Variants in ARAP2 observed in about 807,000 individuals in gnomAD.
ARAP2 encodes the protein ArfGAP with RhoGAP domain, ankyrin repeat and PH domain 2.
In ARAP2, 148 loss-of-function variants were observed where a neutral mutation model predicts 194.5. The observed-to-expected ratio is 0.76, with a 90% CI of 0.67 to 0.87. ARAP2 has a LOEUF of 0.87. Among genes scored for constraint, ARAP2 ranks in the 40% least tolerant of loss-of-function variants. The pLI, the probability that ARAP2 is intolerant of heterozygous loss-of-function variation, is 0.00. For missense variants in ARAP2, 2,128 were observed against 1,989.7 expected, an observed-to-expected ratio of 1.07 and a Z score of -1.32; for synonymous variants, 695 against 683.5, an observed-to-expected ratio of 1.02 and a Z score of -0.26.
intron 27 of ARAP2, among the ~76,000 whole-genome samples, chr4:36,098,601 CTAAAA>C (rs1715979921): frequency 6.6e-6 from 1 of 152,150 alleles, no homozygotes; most frequent in African/African-American, 2.4e-5. Context: ...AATTATTAAA[CTAAAA>C]TATAATATTT....
At chr4:36,024,623 C>T (rs544515719) in intron 5 of ARAP2, among the ~76,000 whole-genome samples, 3 of 152,190 alleles carry the variant, frequency 2.0e-5, no homozygotes, top group African/African-American at 7.2e-5. Flanking sequence ...ACTGTACTAC[C>T]ACTCAACTCT....
intron 19 of ARAP2, among the ~76,000 whole-genome samples, chr4:36,134,707 G>A (rs6819234): frequency 0.84 from 127,787 of 151,256 alleles, 53,976 homozygotes; most frequent in Middle Eastern, 0.88. Context: ...TTTACTTAAG[G>A]TACTCAGGAA....
chr4:36,227,044 C>T (rs987261146), intron 2 of ARAP2, among the ~76,000 whole-genome samples: 12 of 152,140 alleles, frequency 7.9e-5, no homozygotes, highest in African/African-American at 2.9e-4. Flanking sequence ...ACAGTCCCAA[C>T]AAATAATCCA....
intron 27 of ARAP2, among the ~76,000 whole-genome samples, chr4:36,095,312 C>G (rs916903578): frequency 6.6e-6 from 1 of 152,238 alleles, no homozygotes; most frequent in East Asian, 1.9e-4. Flanking sequence ...TTATTTTTAG[C>G]ATGTTCTAAA....
intron 1 of ARAP2, among the ~76,000 whole-genome samples, chr4:36,236,841 T>C (rs1372421979): frequency 1.3e-5 from 2 of 152,162 alleles, no homozygotes; most frequent in Admixed American, 6.5e-5. Flanking sequence ...CATTCTGCAA[T>C]AGTACCCAGA....
At position 36,011,846 on chromosome 4, in the gene ARAP2, C is replaced by A. The variant is rs560381869; in HGVS notation, n.1325+717G>T. ...AAACACAAGAGAGCTATATTGCTGT[C>A]TTCACAGGGAAAAAGATATGGATAT... On this transcript the variant is annotated intron_variant and non_coding_transcript_variant, in intron 9 of 12. Transcript: ENST00000503225. Among the ~76,000 whole-genome samples, 7 of 152,194 alleles carry A rather than the reference C, an allele frequency of 4.6e-5. No homozygotes were observed. The South Asian group carries it at 1.4e-3, about 32-fold the overall frequency.
intron 1 of ARAP2, among the ~76,000 whole-genome samples, chr4:36,238,478 A>G (rs1321348667): frequency 6.6e-6 from 1 of 152,224 alleles, no homozygotes; most frequent in East Asian, 1.9e-4. Context: ...GTAAAGCCTC[A>G]TAGTAGATAT....
intron 9 of ARAP2, among the ~76,000 whole-genome samples, chr4:36,169,722 C>T (rs146623567): frequency 2.6e-5 from 4 of 152,044 alleles, no homozygotes; most frequent in African/African-American, 9.6e-5. Flanking sequence ...TTAGTAGAGA[C>T]GGGGTTTCAC....
chr4:36,160,161 A>T, intron 13 of ARAP2: 1 of 1,022,772 alleles, frequency 9.8e-7, no homozygotes, highest in Admixed American at 5.9e-5. Flanking sequence ...CTTTCTTCCC[A>T]CATTATATCA....
At chr4:36,167,263 A>G (rs1735499205) in intron 9 of ARAP2, among the ~76,000 whole-genome samples, 1 of 152,122 alleles carries the variant, frequency 6.6e-6, no homozygotes, top group Non-Finnish European at 1.5e-5. Context: ...TGTGAAAGAA[A>G]CATTGACTAG....
At chr4:36,210,860 G>C (rs1746599466) in intron 5 of ARAP2, 117 bp from the exon 6 acceptor site, 3 of 770,756 alleles carry the variant, frequency 3.9e-6, no homozygotes, top group South Asian at 2.0e-5. Context: ...GAAAATCCTA[G>C]AGTTTCCATT....
chr4:36,132,989 T>C (rs1357353022), intron 20 of ARAP2, among the ~76,000 whole-genome samples: 1 of 151,798 alleles, frequency 6.6e-6, no homozygotes, highest in African/African-American at 2.4e-5. Context: ...TATTTCAATG[T>C]TATGTAATAT....
chr4:36,120,885 A>T (rs753348074), intron 23 of ARAP2, among the ~76,000 whole-genome samples: 11 of 151,692 alleles, frequency 7.3e-5, no homozygotes, highest in Admixed American at 1.3e-4. Flanking sequence ...TTCTAAGTAG[A>T]TATAATTCAT....
At chr4:36,115,627 C>T (rs1176474326) in intron 25 of ARAP2, among the ~76,000 whole-genome samples, 3 of 151,860 alleles carry the variant, frequency 2.0e-5, no homozygotes, top group East Asian at 1.9e-4. Context: ...AACGTCCAGT[C>T]GAGATTATGA....
At chr4:36,083,591 A>G (rs1159560438) in intron 28 of ARAP2, 141 bp from the exon 29 acceptor site, 1 of 616,386 alleles carries the variant, frequency 1.6e-6, no homozygotes, top group Non-Finnish European at 2.7e-6. Flanking sequence ...TAGTAAATGA[A>G]GACTCTTTGG....
intron 5 of ARAP2, among the ~76,000 whole-genome samples, chr4:36,025,057 C>A (rs1417555488): frequency 6.6e-6 from 1 of 152,070 alleles, no homozygotes; most frequent in East Asian, 1.9e-4. Flanking sequence ...CCTTACTAAT[C>A]ACATATTCAA....
intron 5 of ARAP2, chr4:36,045,842 T>A (rs1479822419): frequency 1.3e-5 from 2 of 151,910 alleles, no homozygotes; most frequent in East Asian, 3.9e-4. Context: ...ATGATCAAAT[T>A]AAATAAATAA....
chr4:36,199,371 A>AACCTCC (rs1743883701), intron 6 of ARAP2, among the ~76,000 whole-genome samples: 1 of 152,212 alleles, frequency 6.6e-6, no homozygotes, highest in Non-Finnish European at 1.5e-5. Flanking sequence ...TGCTCACTGC[A>AACCTCC]ACCTCCACCT....
intron 2 of ARAP2, among the ~76,000 whole-genome samples, chr4:36,217,827 C>G (rs1748300246): frequency 6.7e-6 from 1 of 148,440 alleles, no homozygotes; most frequent in African/African-American, 2.5e-5. Context: ...ATAAATAATA[C>G]TAGATAATAC....
Sources: gnomAD v4.1 joint callset for allele counts (sites outside exome capture counted in the v4.1 genomes callset) on GRCh38, gnomAD v4.1.1 for gene constraint, MANE v1.5 for transcripts, NCBI Gene and HGNC (gene_info 2026-07-23, HGNC 2026-07-21) for gene names.